The following TMCO5A variants were observed in gnomAD, a reference collection of about 807,000 sequenced individuals.
TMCO5A encodes transmembrane and coiled-coil domain-containing protein 5A.
In TMCO5A, 34 loss-of-function variants were observed where a neutral mutation model predicts 42.3. That is an observed-to-expected ratio of 0.80 (90% CI 0.61 to 1.07). The LOEUF is 1.07. Among genes scored for constraint, TMCO5A ranks in the 50% least tolerant of loss-of-function variants. TMCO5A has a pLI of 0.00. For synonymous variants in TMCO5A, 131 were observed against 115.6 expected (o/e 1.13, Z -0.86); for missense variants, 357 against 327.9 (o/e 1.09, Z -0.69).
chr15:38,017,241 A>T, the TMCO5A span, among the ~76,000 whole-genome samples: 1 of 152,322 alleles, frequency 6.6e-6, no homozygotes, highest in African/African-American at 2.4e-5. Flanking sequence ...TTATAAGTTA[A>T]TTGCCAAAAC....
At chr15:38,027,524 A>C in the TMCO5A span, among the ~76,000 whole-genome samples, 5 of 152,132 alleles carry the variant, frequency 3.3e-5, no homozygotes. Context: ...TTTATCTCAG[A>C]TGAGACTTTG....
the TMCO5A span, among the ~76,000 whole-genome samples, chr15:38,035,647 C>T: frequency 2.6e-5 from 4 of 152,116 alleles, no homozygotes; most frequent in Non-Finnish European, 5.9e-5. Flanking sequence ...GTACAGAATG[C>T]CTTAAGATTG....
chr15:38,007,872 C>CTTTTTTTTTTT, the TMCO5A span, among the ~76,000 whole-genome samples: 16 of 47,406 alleles, frequency 3.4e-4, 5 homozygotes, highest in East Asian at 3.3e-3. Flanking sequence ...CTCACCCACA[C>CTTTTTTTTTTT]TTTTTTTTTT....
At chr15:37,974,203 A>T in the TMCO5A span, among the ~76,000 whole-genome samples, 2 of 152,058 alleles carry the variant, frequency 1.3e-5, no homozygotes, top group Non-Finnish European at 2.9e-5. Context: ...GTTTATCGAG[A>T]ATATTCTCCT....
At chr15:38,006,060 T>C in the TMCO5A span, among the ~76,000 whole-genome samples, 1 of 152,186 alleles carries the variant, frequency 6.6e-6, no homozygotes, top group Non-Finnish European at 1.5e-5. Context: ...GAGTGAGTGA[T>C]GATATGAAGA....
At chr15:37,973,196 C>G in the TMCO5A span, among the ~76,000 whole-genome samples, 1 of 146,984 alleles carries the variant, frequency 6.8e-6, no homozygotes, top group East Asian at 2.0e-4. Context: ...GTTACTGTAA[C>G]CTTGTAGTAT....
At position 37,936,985 on chromosome 15, in the gene TMCO5A, G is replaced by T. The variant is rs1256970167; in HGVS notation, c.264+15G>T. ...CAGCCAGACTTGTAAGCAAGAAGTT[G>T]GGAAGAGCCATTTAATAGGTTGCAT... is the stretch of plus-strand genomic sequence containing the variant. On this transcript the variant is annotated intron_variant, in intron 4 of 11. Coordinates refer to ENST00000319669, the MANE Select transcript of TMCO5A (RefSeq NM_152453.4). 2 of 1,611,166 alleles carry T rather than the reference G, an allele frequency of 1.2e-6. No homozygotes were observed. Among genetic ancestry groups the T allele is most frequent in the South Asian group, 1.1e-5 (1 of 90,842 alleles).
the TMCO5A span, among the ~76,000 whole-genome samples, chr15:37,976,839 G>A: frequency 7.1e-6 from 1 of 141,698 alleles, no homozygotes; most frequent in Non-Finnish European, 1.5e-5. Flanking sequence ...TGTTGCCCAG[G>A]CAATAGCACA....
Position 37,942,258 on chromosome 15 carries a change from G to A in TMCO5A, c.569+3G>A, listed in dbSNP as rs192259160. ...GCTCTGTTCCTTGAGAGAGAAGTGTGAGCTTTGGCAAAGGAACATCCTGGT... is the reference window on the plus strand; with the variant it reads ...GCTCTGTTCCTTGAGAGAGAAGTGTAAGCTTTGGCAAAGGAACATCCTGGT... On this transcript the variant is annotated splice_donor_region_variant and intron_variant, in intron 9 of 11. Coordinates refer to ENST00000319669, the MANE Select transcript of TMCO5A (RefSeq NM_152453.4). 1.6e-5 allele frequency: 26 copies of A among 1,612,486 alleles called. No homozygotes were observed. In the East Asian group the frequency reaches 5.1e-4, roughly 32 times the overall value.
the TMCO5A span, among the ~76,000 whole-genome samples, chr15:37,982,479 T>TATATTATATATTATCTATATATAATA: frequency 1.4e-5 from 1 of 69,422 alleles, no homozygotes; most frequent in African/African-American, 1.6e-4. Context: ...AGATATTTTA[T>TATATTATATATTATCTATATATAATA]GTATTATATA....
At chr15:37,984,738 A>ACAC in the TMCO5A span, 1 of 122,152 alleles carries the variant, frequency 8.2e-6, no homozygotes, top group East Asian at 2.6e-4. Context: ...CCTTGTGAGG[A>ACAC]CACAGCAACA....
chr15:38,016,201 G>A, the TMCO5A span, among the ~76,000 whole-genome samples: 1 of 152,244 alleles, frequency 6.6e-6, no homozygotes, highest in Admixed American at 6.5e-5. Context: ...TCTGCTCAAT[G>A]TTGCTGTGAA....
At chr15:38,036,076 T>A in the TMCO5A span, among the ~76,000 whole-genome samples, 2 of 152,144 alleles carry the variant, frequency 1.3e-5, no homozygotes, top group Admixed American at 6.5e-5. Context: ...GTCCCCTCCA[T>A]CACCCAGTCA....
chr15:38,036,494 TCTCACACACACACA>T, the TMCO5A span, among the ~76,000 whole-genome samples: 8 of 135,552 alleles, frequency 5.9e-5, 1 homozygote, highest in Non-Finnish European at 1.0e-4. Flanking sequence ...TCTCTCTCTC[TCTCACACACACACA>T]CACACACACA....
chr15:37,964,161 G>C (rs2140819790), intron 11 of TMCO5A, among the ~76,000 whole-genome samples: 1 of 152,302 alleles, frequency 6.6e-6, no homozygotes, highest in African/African-American at 2.4e-5. Context: ...ACTCAAGGCT[G>C]TTGTACAGAT....
At position 37,949,916 on chromosome 15, in the gene TMCO5A, G is replaced by A. The variant is rs1890101337; in HGVS notation, c.669-1120G>A. Among the ~76,000 whole-genome samples the A allele has an allele frequency of 3.3e-5, 5 of 152,220 alleles. No individual in the cohort carries two copies. In the South Asian group the frequency reaches 1.0e-3, roughly 32 times the overall value. ...CAAAATTGCAGTCATTAAAAGGTTT[G>A]GCTGGAGCTAGAAGTTATATTTCCA... On this transcript the variant is annotated intron_variant, in intron 11 of 11. Coordinates refer to ENST00000319669, the MANE Select transcript of TMCO5A (RefSeq NM_152453.4).
chr15:38,019,105 A>G, the TMCO5A span, among the ~76,000 whole-genome samples: 2 of 152,166 alleles, frequency 1.3e-5, no homozygotes, highest in Non-Finnish European at 2.9e-5. Flanking sequence ...TAAAATGAAA[A>G]ATAAATCATA....
intron 5 of TMCO5A, among the ~76,000 whole-genome samples, chr15:37,937,930 G>T (rs1234517698): frequency 6.6e-6 from 1 of 152,016 alleles, no homozygotes; most frequent in Non-Finnish European, 1.5e-5. Context: ...CGAATTAGGG[G>T]TTCAGGAAAG....
chr15:38,037,565 G>A, the TMCO5A span, among the ~76,000 whole-genome samples: 2 of 152,192 alleles, frequency 1.3e-5, no homozygotes, highest in Non-Finnish European at 2.9e-5. Context: ...CCTACTAATA[G>A]CCAAGAGGAG....
Sources: allele counts gnomAD v4.1 joint callset (sites outside exome capture counted in the v4.1 genomes callset), GRCh38; gene constraint gnomAD v4.1.1; transcripts MANE v1.5; gene names NCBI Gene and HGNC (gene_info 2026-07-23, HGNC 2026-07-21).